The following MMP26 variants were observed in gnomAD, a reference collection of about 807,000 sequenced individuals.
MMP26 encodes the protein matrix metallopeptidase 26.
Under a neutral mutation model 31.0 loss-of-function variants are expected in MMP26, and 33 were observed. The ratio of observed to expected loss-of-function variants is 1.06; its 90% CI spans 0.81 to 1.42. The LOEUF is 1.42. Ranked by LOEUF, MMP26 falls within the 40% of genes most tolerant of loss-of-function variation. The probability of loss-of-function intolerance (pLI) is 0.00; values close to 1 mark genes in which losing one functional copy is unlikely to be tolerated. For synonymous variants in MMP26, 122 were observed against 114.9 expected (o/e 1.06, Z -0.40); for missense variants, 347 against 316.1 (o/e 1.10, Z -0.74).
chr11:4,990,466 T>C (rs1846980806), intron 4 of MMP26, 132 bp from the exon 5 acceptor site: 1 of 792,916 alleles, frequency 1.3e-6, no homozygotes, highest in Admixed American at 3.1e-5. Flanking sequence ...TGAAATTAGC[T>C]CAACTTTATA....
At chr11:4,824,966 T>A (rs1223903391) in intron 2 of MMP26, among the ~76,000 whole-genome samples, 1 of 152,150 alleles carries the variant, frequency 6.6e-6, no homozygotes, top group Non-Finnish European at 1.5e-5. Flanking sequence ...TTAAGTAGGT[T>A]CTGCAATGCC....
At chr11:4,898,011 T>C (rs7940794) in intron 2 of MMP26, among the ~76,000 whole-genome samples, 4,926 of 150,162 alleles carry the variant, frequency 0.033, 271 homozygotes, top group African/African-American at 0.11. Flanking sequence ...TTCACCCCTT[T>C]GTCATTTTTT....
In MMP26 at chr11:4,988,315, G is replaced by A; in HGVS notation, c.99+5G>A. 14 of 1,612,882 alleles carry A rather than the reference G, an allele frequency of 8.7e-6. No individual in the cohort carries two copies. The highest frequency in any genetic ancestry group is 1.2e-5 in the Non-Finnish European group (14 of 1,178,886). ...AAAGGATGGGACTTTGTTGAGGTAGGTGAACGACTCAGGACCACATTATTA... is the reference window on the plus strand; with the variant it reads ...AAAGGATGGGACTTTGTTGAGGTAGATGAACGACTCAGGACCACATTATTA... On this transcript the variant is annotated splice_donor_5th_base_variant and intron_variant, in intron 3 of 7. Transcript: ENST00000380390.
chr11:4,802,769 A>C (rs1316902809), intron 2 of MMP26, among the ~76,000 whole-genome samples: 1 of 152,210 alleles, frequency 6.6e-6, no homozygotes, highest in African/African-American at 2.4e-5. Context: ...ATTCCAGTAT[A>C]GAATTGGTAC....
At chr11:4,872,057 T>C (rs1850317748) in intron 2 of MMP26, among the ~76,000 whole-genome samples, 1 of 152,064 alleles carries the variant, frequency 6.6e-6, no homozygotes, top group African/African-American at 2.4e-5. Context: ...CTGACCCTTG[T>C]TTTTCTAGTG....
intron 2 of MMP26, among the ~76,000 whole-genome samples, chr11:4,879,578 A>G (rs1020997850): frequency 4.6e-5 from 7 of 152,284 alleles, no homozygotes; most frequent in Admixed American, 3.9e-4. Flanking sequence ...CGAAGTTATT[A>G]AAAAATCTCT....
chr11:4,767,619 AG>A (rs1194630574), intron 2 of MMP26, among the ~76,000 whole-genome samples: 1 of 152,228 alleles, frequency 6.6e-6, no homozygotes, highest in African/African-American at 2.4e-5. Flanking sequence ...AATATTTAAA[AG>A]AATTTTTACC....
chr11:4,830,564 A>G (rs1849632799), intron 2 of MMP26, among the ~76,000 whole-genome samples: 1 of 152,152 alleles, frequency 6.6e-6, no homozygotes, highest in Non-Finnish European at 1.5e-5. Context: ...CAGGCATGAA[A>G]CCTTGGGAAT....
chr11:4,914,780 A>G (rs1851049271), intron 2 of MMP26: 1 of 1,614,036 alleles, frequency 6.2e-7, no homozygotes, highest in Non-Finnish European at 8.5e-7. Flanking sequence ...ACTGTAGACA[A>G]TGGGATTCAT....
At chr11:4,923,282 C>G in intron 2 of MMP26, 1 of 1,330,950 alleles carries the variant, frequency 7.5e-7, no homozygotes. Context: ...TTTTTGTTGA[C>G]AGTCAACGGT....
intron 2 of MMP26, among the ~76,000 whole-genome samples, chr11:4,935,184 G>A (rs186402208): frequency 0.015 from 2,203 of 151,762 alleles, 72 homozygotes; most frequent in African/African-American, 0.05. Context: ...CCGTTTTCAC[G>A]ATATTGATTC....
chr11:4,816,734 C>T (rs184140094), intron 2 of MMP26, among the ~76,000 whole-genome samples: 347 of 119,788 alleles, frequency 2.9e-3, no homozygotes, highest in Admixed American at 5.5e-3. Context: ...AATAGAGTCT[C>T]GCTCTATTGC....
At chr11:4,915,437 A>G (rs1851069042) in intron 2 of MMP26, 4 of 1,614,132 alleles carry the variant, frequency 2.5e-6, no homozygotes, top group South Asian at 1.1e-5. Flanking sequence ...GGAGAGACCC[A>G]GGTCAATCAG....
At chr11:4,862,622 G>T (rs1172079326) in intron 2 of MMP26, among the ~76,000 whole-genome samples, 1 of 152,160 alleles carries the variant, frequency 6.6e-6, no homozygotes, top group Non-Finnish European at 1.5e-5. Flanking sequence ...AACATCTCAA[G>T]AACTGGTCTG....
intron 2 of MMP26, among the ~76,000 whole-genome samples, chr11:4,861,473 G>GTA (rs1218989117): frequency 1.3e-5 from 2 of 151,422 alleles, no homozygotes; most frequent in Admixed American, 6.6e-5. Flanking sequence ...ATGTGTGTGT[G>GTA]TATATATATG....
chr11:4,713,164 A>C (rs1353739450), intron 1 of MMP26, among the ~76,000 whole-genome samples: 1 of 152,060 alleles, frequency 6.6e-6, no homozygotes, highest in African/African-American at 2.4e-5. Flanking sequence ...GGGATTCTCA[A>C]ATTAGGTGCC....
intron 2 of MMP26, among the ~76,000 whole-genome samples, chr11:4,956,011 G>C (rs78108380): frequency 6.6e-6 from 1 of 152,086 alleles, no homozygotes; most frequent in Admixed American, 6.6e-5. Context: ...TTAGTTACAC[G>C]TCTGATTTTA....
chr11:4,786,599 A>G (rs952181227), intron 2 of MMP26, among the ~76,000 whole-genome samples: 3 of 145,854 alleles, frequency 2.1e-5, no homozygotes, highest in African/African-American at 7.7e-5. Context: ...TGACTGATCA[A>G]TGAGGGCTAT....
intron 2 of MMP26, chr11:4,860,120 C>A: frequency 2.1e-6 from 1 of 471,122 alleles, no homozygotes; most frequent in South Asian, 1.5e-5. Flanking sequence ...GTGAGGACAG[C>A]TATTCCAGTC....
Sources: gnomAD v4.1 joint callset for allele counts (sites outside exome capture counted in the v4.1 genomes callset) on GRCh38, gnomAD v4.1.1 for gene constraint, MANE v1.5 for transcripts, NCBI Gene and HGNC (gene_info 2026-07-23, HGNC 2026-07-21) for gene names.